Variants in PIK3C2G observed in about 807,000 individuals in gnomAD.
The protein encoded by PIK3C2G is phosphatidylinositol 3-kinase C2 domain-containing subunit gamma.
A neutral mutation model predicts 181.1 loss-of-function variants in PIK3C2G; 168 were observed. The observed-to-expected ratio is 0.93, with a 90% CI of 0.82 to 1.05. The LOEUF is 1.05. PIK3C2G is among the 50% of genes least tolerant of loss of function. PIK3C2G has a pLI of 0.00. For synonymous variants in PIK3C2G, 573 were observed against 592.2 expected, an observed-to-expected ratio of 0.97 and a Z score of 0.47; for missense variants, 1,869 against 1,732.8, an observed-to-expected ratio of 1.08 and a Z score of -1.40.
At chr12:18,500,755 C>T (rs1010702826) in intron 22 of PIK3C2G, among the ~76,000 whole-genome samples, 1 of 152,152 alleles carries the variant, frequency 6.6e-6, no homozygotes, top group Non-Finnish European at 1.5e-5. Context: ...GCTGCCCAAG[C>T]CAGCAGTGGC....
Position 18,314,290 on chromosome 12 carries a change from T to C in PIK3C2G, c.1137+226T>C, listed in dbSNP as rs191601154. Among the ~76,000 whole-genome samples, 6 of 152,280 alleles carry C rather than the reference T, an allele frequency of 3.9e-5. No individual in the cohort carries two copies. The East Asian group carries it at 1.2e-3, about 29-fold the overall frequency. On this transcript the variant is annotated intron_variant, in intron 6 of 32. Transcript: ENST00000538779. ...ACACATTACTGCAATCTTAGTGTTA[T>C]GGACTGAATGTCTGTGTCCCCCCAA...
At chr12:18,559,418 A>G (rs1287996820) in intron 26 of PIK3C2G, among the ~76,000 whole-genome samples, 1 of 152,090 alleles carries the variant, frequency 6.6e-6, no homozygotes, top group Admixed American at 6.6e-5. Flanking sequence ...AAGGGAAACC[A>G]CAGGTACTCT....
At chr12:18,316,731 A>AAAT (rs547385793) in intron 6 of PIK3C2G, among the ~76,000 whole-genome samples, 22 of 151,880 alleles carry the variant, frequency 1.4e-4, no homozygotes, top group South Asian at 2.1e-4. Flanking sequence ...CTCTGTCTCA[A>AAAT]AATAATAATA....
chr12:18,248,531 A>T (rs1219028876), intron 1 of PIK3C2G, among the ~76,000 whole-genome samples: 2 of 152,198 alleles, frequency 1.3e-5, no homozygotes, highest in African/African-American at 2.4e-5. Flanking sequence ...AGATCGCGCC[A>T]CTGCACTCCA....
chr12:18,683,372 G>A, the PIK3C2G span: 5 of 1,572,898 alleles, frequency 3.2e-6, no homozygotes, highest in African/African-American at 1.4e-5. Flanking sequence ...ATTAATCAGT[G>A]GTGTCTCCAA....
intron 5 of PIK3C2G, among the ~76,000 whole-genome samples, chr12:18,296,630 T>G (rs558294837): frequency 6.6e-6 from 1 of 152,158 alleles, no homozygotes; most frequent in Non-Finnish European, 1.5e-5. Flanking sequence ...ATATCAACTA[T>G]ACTATTTTTG....
chr12:18,624,475 G>A (rs1007952412), intron 31 of PIK3C2G, among the ~76,000 whole-genome samples: 3 of 151,434 alleles, frequency 2.0e-5, no homozygotes, highest in Non-Finnish European at 4.4e-5. Flanking sequence ...ATATGTTTGT[G>A]AAGACTATTG....
chr12:18,346,274 T>G (rs1040402965), intron 10 of PIK3C2G, among the ~76,000 whole-genome samples: 1 of 152,234 alleles, frequency 6.6e-6, no homozygotes, highest in Non-Finnish European at 1.5e-5. Flanking sequence ...GATGTACTTA[T>G]AAGCCATCTA....
At chr12:18,674,598 T>C in the PIK3C2G span, among the ~76,000 whole-genome samples, 1 of 152,124 alleles carries the variant, frequency 6.6e-6, no homozygotes, top group Non-Finnish European at 1.5e-5. Context: ...CTTGAGAGAG[T>C]AAACCTACAT....
chr12:18,677,055 C>T, the PIK3C2G span, among the ~76,000 whole-genome samples: 1 of 151,870 alleles, frequency 6.6e-6, no homozygotes, highest in African/African-American at 2.4e-5. Flanking sequence ...TGATTCTTTC[C>T]CAAAAGGAAA....
chr12:18,413,280 G>T (rs1343911187), intron 16 of PIK3C2G, among the ~76,000 whole-genome samples: 1 of 152,084 alleles, frequency 6.6e-6, no homozygotes, highest in Non-Finnish European at 1.5e-5. Context: ...TCCTGAAACA[G>T]AGAGACAGAG....
the PIK3C2G span, among the ~76,000 whole-genome samples, chr12:18,708,939 T>A: frequency 6.7e-6 from 1 of 149,992 alleles, no homozygotes; most frequent in Non-Finnish European, 1.5e-5. Context: ...TTTGCAAATA[T>A]TTTTTCCCCA....
At chr12:18,668,571 T>C in the PIK3C2G span, among the ~76,000 whole-genome samples, 1 of 152,114 alleles carries the variant, frequency 6.6e-6, no homozygotes, top group South Asian at 2.1e-4. Flanking sequence ...TCATGCATGC[T>C]GGACCATCAT....
chr12:18,496,472 G>T (rs1941023041), intron 21 of PIK3C2G, among the ~76,000 whole-genome samples: 1 of 152,130 alleles, frequency 6.6e-6, no homozygotes, highest in Admixed American at 6.5e-5. Context: ...TTTTGGTCTA[G>T]ATACTAAATT....
intron 26 of PIK3C2G, among the ~76,000 whole-genome samples, chr12:18,552,404 AT>A (rs895310370): frequency 1.1e-4 from 17 of 151,762 alleles, no homozygotes; most frequent in Non-Finnish European, 2.5e-4. Flanking sequence ...AAATTTTCTT[AT>A]TTTTTTTACT....
rs554296552 is a variant in PIK3C2G at position 18,372,224 on chromosome 12, T to C, written c.1880+913T>C. The stretch of plus-strand genomic sequence containing the variant: ...GTGTGTGTGTGTGTGTGGGCACGTG[T>C]GTGTGTGTTGTTCTGTTATTTGTTT... On this transcript the variant is annotated intron_variant, in intron 13 of 32. Coordinates refer to ENST00000538779, the MANE Select transcript of PIK3C2G (RefSeq NM_001288772.2). Among the ~76,000 whole-genome samples the C allele has an allele frequency of 3.9e-5, 6 of 152,124 alleles. No homozygotes were observed. The East Asian group carries it at 1.2e-3, about 29-fold the overall frequency.
At chr12:18,682,963 T>C in the PIK3C2G span, among the ~76,000 whole-genome samples, 1 of 152,034 alleles carries the variant, frequency 6.6e-6, no homozygotes, top group African/African-American at 2.4e-5. Context: ...ATTCTAGTAA[T>C]TAAAAATGAT....
At chr12:18,620,155 G>C (rs2136659751) in intron 31 of PIK3C2G, among the ~76,000 whole-genome samples, 1 of 152,222 alleles carries the variant, frequency 6.6e-6, no homozygotes, top group Non-Finnish European at 1.5e-5. Context: ...AGTCAATTAA[G>C]TCACATTGAT....
At chr12:18,467,362 C>A (rs1196711902) in intron 18 of PIK3C2G, among the ~76,000 whole-genome samples, 1 of 151,990 alleles carries the variant, frequency 6.6e-6, no homozygotes, top group Non-Finnish European at 1.5e-5. Flanking sequence ...ACAAAGCAAG[C>A]ATGCAAAGGG....
Sources: allele counts gnomAD v4.1 joint callset (sites outside exome capture counted in the v4.1 genomes callset), GRCh38; gene constraint gnomAD v4.1.1; transcripts MANE v1.5; gene names NCBI Gene and HGNC (gene_info 2026-07-23, HGNC 2026-07-21).